The following FIP1L1 variants were observed in gnomAD, a reference collection of about 807,000 sequenced individuals.
FIP1L1 encodes factor interacting with PAPOLA and CPSF1.
Under a neutral mutation model 84.6 loss-of-function variants are expected in FIP1L1, and 21 were observed. The ratio of observed to expected loss-of-function variants is 0.25; its 90% CI spans 0.18 to 0.36. The LOEUF (loss-of-function observed/expected upper bound fraction) is 0.36. Among genes scored for constraint, FIP1L1 ranks in the 10% least tolerant of loss-of-function variants. The probability of loss-of-function intolerance (pLI) is 1.00; values close to 1 mark genes in which losing one functional copy is unlikely to be tolerated. For synonymous variants in FIP1L1, 263 were observed against 242.3 expected (o/e 1.09, Z -0.80); for missense variants, 526 against 751.1 (o/e 0.70, Z 3.50).
At chr4:53,390,253 C>T (rs1402334301) in intron 6 of FIP1L1, among the ~76,000 whole-genome samples, 1 of 152,060 alleles carries the variant, frequency 6.6e-6, no homozygotes, top group East Asian at 1.9e-4. Context: ...GTGATAATAG[C>T]TCTTTTTAAA....
rs182194730 is a variant in FIP1L1, at chr4:53,393,847, G to C, written c.705+2349G>C. On this transcript the variant is annotated intron_variant, in intron 9 of 17. Coordinates refer to ENST00000337488, the MANE Select transcript of FIP1L1 (RefSeq NM_030917.4). Reference sequence around the variant, plus strand: ...TGAAATTTTACAGTTATGTGTCTTGGTCTGTTTTCATCCATTGTACCAAGC... The same window carrying C: ...TGAAATTTTACAGTTATGTGTCTTGCTCTGTTTTCATCCATTGTACCAAGC... Among the ~76,000 whole-genome samples, 8 of 130,160 alleles carry C rather than the reference G, an allele frequency of 6.1e-5. No individual in the cohort carries two copies. In the East Asian group the frequency reaches 1.8e-3, roughly 30 times the overall value. 85.4% of individuals were successfully genotyped at this position (130,160 alleles called of 152,430 possible).
chr4:53,459,150 A>C, intron 17 of FIP1L1, 152 bp from the exon 18 acceptor site: 1 of 651,508 alleles, frequency 1.5e-6, no homozygotes, highest in South Asian at 2.1e-5. Context: ...GTCACATAAA[A>C]CTGATTATTC....
intron 10 of FIP1L1, among the ~76,000 whole-genome samples, chr4:53,408,045 A>C (rs184292008): frequency 3.4e-4 from 52 of 152,302 alleles, no homozygotes; most frequent in Admixed American, 3.9e-4. Context: ...TTATGATGTT[A>C]GCTGGTTATT....
At chr4:53,440,673 C>T (rs780919188) in intron 13 of FIP1L1, 24 of 1,136,522 alleles carry the variant, frequency 2.1e-5, no homozygotes, top group African/African-American at 3.1e-5. Context: ...CTTATAGTTA[C>T]AGGAGAGACG....
At chr4:53,381,750 A>ATTTTTTTTTTTTTTTTTTTTTTT (rs1233462083) in intron 3 of FIP1L1, among the ~76,000 whole-genome samples, 2 of 63,070 alleles carry the variant, frequency 3.2e-5, no homozygotes, top group Non-Finnish European at 6.0e-5. Flanking sequence ...AGGCATTTGC[A>ATTTTTTTTTTTTTTTTTTTTTTT]TTCTTTTTTT....
chr4:53,416,190 A>G (rs1054201086), intron 11 of FIP1L1, among the ~76,000 whole-genome samples: 1 of 152,244 alleles, frequency 6.6e-6, no homozygotes, highest in South Asian at 2.1e-4. Flanking sequence ...TAACTCAATT[A>G]TTGCATAGAG....
At chr4:53,384,296 C>A (rs1285766132) in intron 5 of FIP1L1, among the ~76,000 whole-genome samples, 2 of 151,992 alleles carry the variant, frequency 1.3e-5, no homozygotes, top group African/African-American at 4.8e-5. Flanking sequence ...GTAATCCCAG[C>A]TACTCCAGAG....
intron 11 of FIP1L1, among the ~76,000 whole-genome samples, chr4:53,422,916 A>G (rs748100262): frequency 1.7e-4 from 26 of 152,190 alleles, no homozygotes; most frequent in East Asian, 3.9e-4. Context: ...AAGTCTCGCC[A>G]TGTTGCCCAG....
In FIP1L1 at chr4:53,377,929, A is replaced by G; in HGVS notation, c.85+6A>G. The G allele has an allele frequency of 1.3e-6, 2 of 1,584,370 alleles. No individual in the cohort carries two copies. The highest frequency in any genetic ancestry group is 2.3e-5 in the South Asian group (2 of 86,714). ...GGAAGAGTGGCTCTATGGCGGTACG[A>G]AACTTCCTGTCTCTGTCTCTCGGGT... On this transcript the variant is annotated splice_donor_region_variant and intron_variant, in intron 1 of 17. Transcript: ENST00000337488.
At chr4:53,455,085 C>G (rs1361014579) in intron 16 of FIP1L1, among the ~76,000 whole-genome samples, 1 of 152,178 alleles carries the variant, frequency 6.6e-6, no homozygotes, top group Non-Finnish European at 1.5e-5. Flanking sequence ...TCACCTATCT[C>G]TGTCTTCATA....
At position 53,414,629 on chromosome 4, in the gene FIP1L1, C is replaced by G; in HGVS notation, c.830C>G (p.Ser277Cys). ...TATCTCACCAGAAACAGCACTTCTT[C>G]TCAGTCTCAGACAAGTACTGCCTCC... ...GLPPSRNSTS[S>C]QSQTSTASRK... is the part of the protein sequence containing the mutation. Residue 277 changes from serine to cysteine, a missense_variant, in exon 11 of 18, where the codon TCT becomes TGT. Physicochemically the swap from Ser to Cys is moderately radical, Grantham distance 112. Transcript: ENST00000337488. The G allele has an allele frequency of 6.2e-7, 1 of 1,611,760 alleles. No individual in the cohort carries two copies. Among genetic ancestry groups the G allele is most frequent in the Non-Finnish European group, 8.5e-7 (1 of 1,178,480 alleles).
chr4:53,453,027 A>C lies in FIP1L1; in HGVS notation c.1393A>C (p.Arg465=). The C allele has an allele frequency of 6.2e-7, 1 of 1,612,620 alleles. No individual in the cohort carries two copies. The highest frequency in any genetic ancestry group is 8.5e-7 in the Non-Finnish European group (1 of 1,178,720). The stretch of plus-strand genomic sequence containing the variant: ...AAGAGAGAAAGACCGAGATAGAGAG[A>C]GAGACAGAGACAGAGAGCGAGACCG... ...ARREKDRDRE[R]DRDRERDRDR... Residue 465 remains arginine (R), a synonymous_variant, in exon 16 of 18, where the codon AGA becomes CGA. Coordinates refer to ENST00000337488, the MANE Select transcript of FIP1L1 (RefSeq NM_030917.4).
At chr4:53,405,431 G>A (rs1006392090) in intron 10 of FIP1L1, among the ~76,000 whole-genome samples, 3 of 152,182 alleles carry the variant, frequency 2.0e-5, no homozygotes, top group African/African-American at 7.2e-5. Context: ...ATAGTTTGAA[G>A]TCAGGTAGCT....
At chr4:53,411,033 G>T (rs1756980107) in intron 10 of FIP1L1, among the ~76,000 whole-genome samples, 1 of 152,252 alleles carries the variant, frequency 6.6e-6, no homozygotes, top group Admixed American at 6.5e-5. Flanking sequence ...TTTAAAGTGT[G>T]ACAGTCTTGT....
At chr4:53,419,762 ATGTACT>A (rs1761343540) in intron 11 of FIP1L1, among the ~76,000 whole-genome samples, 1 of 152,090 alleles carries the variant, frequency 6.6e-6, no homozygotes, top group African/African-American at 2.4e-5. Context: ...CTTAAATGTG[ATGTACT>A]TGTAAGGATT....
chr4:53,408,956 T>G lies in FIP1L1; in HGVS notation c.816-5659T>G, dbSNP rs540710004. Among the ~76,000 whole-genome samples the G allele has an allele frequency of 2.6e-5, 4 of 152,282 alleles. No homozygotes were observed. In the South Asian group the frequency reaches 8.3e-4, roughly 32 times the overall value. On this transcript the variant is annotated intron_variant, in intron 10 of 17. Coordinates refer to ENST00000337488, the MANE Select transcript of FIP1L1 (RefSeq NM_030917.4). ...TTGGTTTGAATTTCCTCCCGTAGCT[T>G]GGAGTAGTTTGATCGTCTGAAGCTT... is the stretch of plus-strand genomic sequence containing the variant.
intron 3 of FIP1L1, among the ~76,000 whole-genome samples, chr4:53,381,324 G>A (rs1578086730): frequency 6.6e-6 from 1 of 152,106 alleles, no homozygotes. Context: ...CCTACTGACT[G>A]GCTCATTGCT....
At chr4:53,378,089 C>G (rs1275616186) in intron 1 of FIP1L1, 166 bp downstream of exon 1, 2 of 553,816 alleles carry the variant, frequency 3.6e-6, no homozygotes, top group Non-Finnish European at 6.0e-6. Flanking sequence ...CCCCAGTCCC[C>G]GCGGCGGTCT....
At chr4:53,417,384 G>C (rs573542478) in intron 11 of FIP1L1, among the ~76,000 whole-genome samples, 2 of 152,114 alleles carry the variant, frequency 1.3e-5, no homozygotes. Flanking sequence ...GCTCATGCCT[G>C]TAATCCCAGC....
Sources: allele counts gnomAD v4.1 joint callset (sites outside exome capture counted in the v4.1 genomes callset), GRCh38; gene constraint gnomAD v4.1.1; transcripts MANE v1.5; gene names NCBI Gene and HGNC (gene_info 2026-07-23, HGNC 2026-07-21).